The following WIF1 variants were observed in gnomAD, a reference collection of about 807,000 sequenced individuals.
WIF1 encodes the protein Wnt inhibitory factor 1.
Under a neutral mutation model 53.5 loss-of-function variants are expected in WIF1, and 35 were observed. That is an observed-to-expected ratio of 0.65 (90% CI 0.50 to 0.87). WIF1 has a LOEUF of 0.87. Among genes scored for constraint, WIF1 ranks in the 40% least tolerant of loss-of-function variants. WIF1 has a pLI of 0.00. For synonymous variants in WIF1, 171 were observed against 170.4 expected (o/e 1.00, Z -0.03); for missense variants, 467 against 476.8 (o/e 0.98, Z 0.19).
chr12:65,077,798 T>C lies in WIF1; in HGVS notation c.345A>G (p.Ala115=). The C allele has an allele frequency of 6.2e-7, 1 of 1,613,940 alleles. No homozygotes were observed. The highest frequency in any genetic ancestry group is 8.5e-7 in the Non-Finnish European group (1 of 1,179,876). Residue 115 remains alanine, a synonymous_variant, in exon 3 of 10, where the codon GCA becomes GCG. Transcript: ENST00000286574. ...SLRSLDKGIM[A]DPTVNVPLLG... is the part of the protein sequence containing the mutation. The stretch of plus-strand genomic sequence containing the variant: ...GCAGAGGGACATTGACGGTTGGATC[T>C]GCCATGATGCCTTTATCCAGGGAGC...
At chr12:65,058,962 G>T (rs1882570357) in intron 7 of WIF1, among the ~76,000 whole-genome samples, 1 of 152,066 alleles carries the variant, frequency 6.6e-6, no homozygotes, top group Admixed American at 6.6e-5. Context: ...TGTGGCAGAA[G>T]AATCGCTTGA....
chr12:65,110,496 C>A lies in WIF1; in HGVS notation c.288+9921G>T, dbSNP rs1419049249. Among the ~76,000 whole-genome samples the A allele has an allele frequency of 3.9e-5, 6 of 152,294 alleles. No individual in the cohort carries two copies. In the East Asian group the frequency reaches 9.6e-4, roughly 24 times the overall value. ...TCCACCAGCCCAAACTAGCTGCATC[C>A]CCCTCTGTGCTCCTAGAGCTCTGTG... On this transcript the variant is annotated intron_variant, in intron 2 of 9. Coordinates refer to ENST00000286574, the MANE Select transcript of WIF1 (RefSeq NM_007191.5).
chr12:65,117,102 C>T (rs1165844880), intron 2 of WIF1, among the ~76,000 whole-genome samples: 1 of 152,036 alleles, frequency 6.6e-6, no homozygotes, highest in African/African-American at 2.4e-5. Context: ...TATTATTCTG[C>T]CACTATTGCT....
At chr12:65,113,409 G>T (rs1883461952) in intron 2 of WIF1, among the ~76,000 whole-genome samples, 1 of 152,124 alleles carries the variant, frequency 6.6e-6, no homozygotes, top group South Asian at 2.1e-4. Flanking sequence ...CAATTTCAAA[G>T]ATTTTATTTG....
chr12:65,091,831 T>C (rs1377536159), intron 2 of WIF1, among the ~76,000 whole-genome samples: 2 of 152,186 alleles, frequency 1.3e-5, no homozygotes, highest in African/African-American at 4.8e-5. Flanking sequence ...CCTTCTTTTA[T>C]TCATTCACCC....
chr12:65,061,957 T>TCATG (rs1000977064), intron 7 of WIF1, among the ~76,000 whole-genome samples: 15 of 152,352 alleles, frequency 9.8e-5, no homozygotes, highest in African/African-American at 3.6e-4. Flanking sequence ...TGTGGTTCAT[T>TCATG]CATGTTGCTG....
chr12:65,118,234 A>G (rs1883541671), intron 2 of WIF1, among the ~76,000 whole-genome samples: 1 of 152,214 alleles, frequency 6.6e-6, no homozygotes, highest in Non-Finnish European at 1.5e-5. Flanking sequence ...TTCATTTTCC[A>G]TGTAAATGTT....
At chr12:65,054,779 T>C (rs1208055367) in intron 9 of WIF1, among the ~76,000 whole-genome samples, 1 of 152,240 alleles carries the variant, frequency 6.6e-6, no homozygotes, top group Non-Finnish European at 1.5e-5. Flanking sequence ...ATTTCTTTCA[T>C]AGTTAACACA....
chr12:65,107,333 G>A lies in WIF1; in HGVS notation c.288+13084C>T, dbSNP rs1883365756. ...TCCATCTGGTTATTGTCTAAAGCAG[G>A]AGATGTCCTGTCCTGGCACAGTGGC... On this transcript the variant is annotated intron_variant, in intron 2 of 9. Transcript: ENST00000286574. 2.0e-5 allele frequency among the ~76,000 whole-genome samples: 3 copies of A among 152,168 alleles called. No individual in the cohort carries two copies. The South Asian group carries it at 6.2e-4, about 32-fold the overall frequency.
At chr12:65,059,922 G>C (rs76228583) in intron 7 of WIF1, among the ~76,000 whole-genome samples, 50 of 152,168 alleles carry the variant, frequency 3.3e-4, no homozygotes, top group African/African-American at 1.2e-3. Context: ...AAAGTGCTGG[G>C]ATTATAGGCG....
At chr12:65,100,454 A>AT (rs1291242444) in intron 2 of WIF1, among the ~76,000 whole-genome samples, 1 of 152,124 alleles carries the variant, frequency 6.6e-6, no homozygotes, top group Non-Finnish European at 1.5e-5. Context: ...CATTTGGAGG[A>AT]TTTTTTAAAA....
chr12:65,120,321 T>C (rs982517799), intron 2 of WIF1, 96 bp downstream of exon 2: 2 of 1,281,432 alleles, frequency 1.6e-6, no homozygotes. Flanking sequence ...TTTCTCTTAA[T>C]AACTGTAAAA....
intron 2 of WIF1, among the ~76,000 whole-genome samples, chr12:65,109,378 T>C (rs1883396640): frequency 6.6e-6 from 1 of 152,198 alleles, no homozygotes. Flanking sequence ...TCTCTACAAA[T>C]TAGGTGGAAG....
chr12:65,069,587 T>G (rs1468630042), intron 3 of WIF1, among the ~76,000 whole-genome samples: 1 of 152,208 alleles, frequency 6.6e-6, no homozygotes, highest in Non-Finnish European at 1.5e-5. Flanking sequence ...TTTGATGTGA[T>G]GAAATAATCT....
chr12:65,114,971 T>C (rs73312859), intron 2 of WIF1, among the ~76,000 whole-genome samples: 24,426 of 152,148 alleles, frequency 0.16, 2,680 homozygotes, highest in African/African-American at 0.31. Flanking sequence ...GACCTGTTGG[T>C]ACAGATGTCT....
chr12:65,068,502 G>A (rs543645424), intron 4 of WIF1, among the ~76,000 whole-genome samples: 13 of 152,220 alleles, frequency 8.5e-5, no homozygotes, highest in African/African-American at 2.4e-4. Flanking sequence ...GAGGGAGGAA[G>A]AAAAGGTGTT....
chr12:65,068,979 C>G, intron 3 of WIF1, 75 bp from the exon 4 acceptor site: 1 of 1,532,980 alleles, frequency 6.5e-7, no homozygotes, highest in Non-Finnish European at 8.8e-7. Context: ...TCTTGGGAAC[C>G]AAGAGTCAAA....
At chr12:65,116,621 TC>T (rs547707499) in intron 2 of WIF1, among the ~76,000 whole-genome samples, 271 of 151,894 alleles carry the variant, frequency 1.8e-3, no homozygotes, top group Admixed American at 4.2e-3. Flanking sequence ...CCTGAAACCA[TC>T]CCCCATCCTG....
intron 1 of WIF1, 35 bp from the exon 2 acceptor site, chr12:65,120,591 T>C (rs530183639): frequency 9.4e-6 from 15 of 1,591,602 alleles, no homozygotes; most frequent in African/African-American, 5.4e-5. Context: ...TCAAACCAGG[T>C]AGACTTGAAA....
Sources: gnomAD v4.1 joint callset for allele counts (sites outside exome capture counted in the v4.1 genomes callset) on GRCh38, gnomAD v4.1.1 for gene constraint, MANE v1.5 for transcripts, NCBI Gene and HGNC (gene_info 2026-07-23, HGNC 2026-07-21) for gene names.